Variants in GABRA2 observed in about 807,000 individuals in gnomAD.
The protein encoded by GABRA2 is gamma-aminobutyric acid type A receptor subunit alpha2.
GABRA2 carries 16 observed loss-of-function variants against 48.7 expected under a neutral mutation model. The ratio of observed to expected loss-of-function variants is 0.33; its 90% CI spans 0.22 to 0.50. The LOEUF (loss-of-function observed/expected upper bound fraction) is 0.50. GABRA2 is among the 20% of genes least tolerant of loss of function. GABRA2 has a pLI of 0.98. For synonymous variants in GABRA2, 185 were observed against 184.5 expected, an observed-to-expected ratio of 1.00 and a Z score of -0.02; for missense variants, 275 against 535.6, an observed-to-expected ratio of 0.51 and a Z score of 4.80.
chr4:46,283,828 C>T (rs557667554), intron 8 of GABRA2, among the ~76,000 whole-genome samples: 11 of 152,286 alleles, frequency 7.2e-5, no homozygotes, highest in South Asian at 4.1e-4. Context: ...GGCATGATCT[C>T]GGCTCACTGC....
In GABRA2 at chr4:46,317,784, A is replaced by C. The variant is rs1728784083; in HGVS notation, c.256-5068T>G. Among the ~76,000 whole-genome samples, 5 of 151,814 alleles carry C rather than the reference A, an allele frequency of 3.3e-5. No homozygotes were observed. The South Asian group carries it at 8.3e-4, about 25-fold the overall frequency. ...ATGGTAAACAAATAAACTCTAAAAA[A>C]AATTCAAAAAAAAATTTATAATTAT... On this transcript the variant is annotated intron_variant, in intron 4 of 9. Transcript: ENST00000381620.
intron 6 of GABRA2, among the ~76,000 whole-genome samples, chr4:46,306,778 C>T (rs1421165790): frequency 6.6e-6 from 1 of 152,150 alleles, no homozygotes; most frequent in Non-Finnish European, 1.5e-5. Flanking sequence ...TCATTCTCTG[C>T]AATCTATAAC....
In GABRA2 at chr4:46,261,986, A is replaced by C. The variant is rs774778361; in HGVS notation, c.999T>G (p.Thr333=). The change falls in exon 9 of 10, where the codon ACT becomes ACG. Residue 333 remains threonine (T), a synonymous_variant. Transcript: ENST00000381620. ...FVFSALIEFA[T]VNYFTKRGWA... is the part of the protein sequence containing the mutation. ...ATCCTCTTTTGGTGAAGTAATTAAC[A>C]GTTGCAAATTCAATTAGGGCAGAGA... 1 of 1,613,892 alleles carries C rather than the reference A, an allele frequency of 6.2e-7. No individual in the cohort carries two copies. The highest frequency in any genetic ancestry group is 8.5e-7 in the Non-Finnish European group (1 of 1,179,890).
At chr4:46,264,740 G>A (rs1313411027) in intron 8 of GABRA2, among the ~76,000 whole-genome samples, 3 of 151,694 alleles carry the variant, frequency 2.0e-5, no homozygotes, top group Admixed American at 1.3e-4. Context: ...CTATTTTCTG[G>A]AAGATTTTGA....
chr4:46,350,846 G>A (rs1165866681), intron 3 of GABRA2, among the ~76,000 whole-genome samples: 5 of 151,854 alleles, frequency 3.3e-5, no homozygotes, highest in Non-Finnish European at 5.9e-5. Flanking sequence ...AAAGAAATAA[G>A]TAGACAGATT....
chr4:46,329,330 G>A (rs1167669233), intron 4 of GABRA2, among the ~76,000 whole-genome samples: 4 of 152,118 alleles, frequency 2.6e-5, no homozygotes, highest in African/African-American at 9.7e-5. Flanking sequence ...AGTCACAAGA[G>A]AAGGGAGCTT....
At chr4:46,280,005 G>T (rs560983103) in intron 8 of GABRA2, among the ~76,000 whole-genome samples, 1 of 151,170 alleles carries the variant, frequency 6.6e-6, no homozygotes, top group African/African-American at 2.4e-5. Flanking sequence ...ATATTTATTA[G>T]GTACCTACTA....
At chr4:46,296,894 G>T (rs1355129611) in intron 8 of GABRA2, among the ~76,000 whole-genome samples, 1 of 152,152 alleles carries the variant, frequency 6.6e-6, no homozygotes, top group East Asian at 1.9e-4. Flanking sequence ...TTTTCATGCT[G>T]TACAAGATTT....
chr4:46,255,363 A>G (rs899677841), intron 9 of GABRA2, among the ~76,000 whole-genome samples: 2 of 151,718 alleles, frequency 1.3e-5, no homozygotes, highest in Admixed American at 1.3e-4. Context: ...TTATTCTACA[A>G]TTCTATTATG....
At chr4:46,259,247 A>G (rs1377251860) in intron 9 of GABRA2, among the ~76,000 whole-genome samples, 1 of 151,772 alleles carries the variant, frequency 6.6e-6, no homozygotes. Context: ...AGGGTTCCAT[A>G]AGAGCCTGGG....
chr4:46,305,274 G>GA (rs1163838187), intron 7 of GABRA2, among the ~76,000 whole-genome samples: 3 of 91,938 alleles, frequency 3.3e-5, no homozygotes, highest in African/African-American at 8.6e-5. Flanking sequence ...GGGGTGGGGG[G>GA]AGGGGGGAGG....
chr4:46,328,115 G>T (rs767766131), intron 4 of GABRA2, among the ~76,000 whole-genome samples: 18 of 151,946 alleles, frequency 1.2e-4, no homozygotes, highest in Non-Finnish European at 1.5e-5. Context: ...GGTCAATTGT[G>T]AGCTACTAAT....
In GABRA2 at chr4:46,340,632, C is replaced by G. The variant is rs561520028; in HGVS notation, c.188-7950G>C. Among the ~76,000 whole-genome samples the G allele has an allele frequency of 7.5e-4, 114 of 152,062 alleles. No individual in the cohort carries two copies. In the Middle Eastern group the frequency reaches 0.01, roughly 14 times the overall value. On this transcript the variant is annotated intron_variant, in intron 3 of 9. Coordinates refer to ENST00000381620, the MANE Select transcript of GABRA2 (RefSeq NM_000807.4). ...AATTTATTTTCATGTGTTAAAGCAA[C>G]TTGGCATTCCTGGCATAAATATAAC...
intron 3 of GABRA2, among the ~76,000 whole-genome samples, chr4:46,354,208 C>G (rs1287653935): frequency 6.6e-6 from 1 of 152,118 alleles, no homozygotes; most frequent in East Asian, 1.9e-4. Context: ...CAAGGTTACA[C>G]AGCAGGTAAG....
At chr4:46,337,136 A>G (rs905391263) in intron 3 of GABRA2, among the ~76,000 whole-genome samples, 6 of 152,132 alleles carry the variant, frequency 3.9e-5, no homozygotes, top group Non-Finnish European at 8.8e-5. Flanking sequence ...GACCCACAAC[A>G]TAATAGAAAA....
chr4:46,370,571 A>G (rs948796794), intron 3 of GABRA2, among the ~76,000 whole-genome samples: 4 of 152,142 alleles, frequency 2.6e-5, no homozygotes, highest in Non-Finnish European at 5.9e-5. Context: ...CAGCTGAGAA[A>G]TATAATTTGA....
intron 8 of GABRA2, among the ~76,000 whole-genome samples, chr4:46,300,366 T>A (rs148970436): frequency 6.6e-6 from 1 of 152,070 alleles, no homozygotes; most frequent in East Asian, 1.9e-4. Flanking sequence ...AAAATTGTCA[T>A]CCCCTGGTTT....
intron 3 of GABRA2, among the ~76,000 whole-genome samples, chr4:46,385,441 ATATT>A (rs1578249429): frequency 6.6e-6 from 1 of 151,976 alleles, no homozygotes; most frequent in South Asian, 2.1e-4. Context: ...AATTTTCTGA[ATATT>A]TATTTTATTT....
At chr4:46,298,167 C>A (rs1725096391) in intron 8 of GABRA2, among the ~76,000 whole-genome samples, 1 of 152,078 alleles carries the variant, frequency 6.6e-6, no homozygotes, top group Admixed American at 6.5e-5. Context: ...TCTATTCTAA[C>A]AAATGTTTCA....
Sources: allele counts gnomAD v4.1 joint callset (sites outside exome capture counted in the v4.1 genomes callset), GRCh38; gene constraint gnomAD v4.1.1; transcripts MANE v1.5; gene names NCBI Gene and HGNC (gene_info 2026-07-23, HGNC 2026-07-21).